The following MECOM variants were observed in gnomAD, a reference collection of about 807,000 sequenced individuals.
MECOM encodes MDS1 and EVI1 complex locus.
Under a neutral mutation model 116.3 loss-of-function variants are expected in MECOM, and 13 were observed. The ratio of observed to expected loss-of-function variants is 0.11; its 90% confidence interval spans 0.07 to 0.18. MECOM has a LOEUF of 0.18. Among genes scored for constraint, MECOM ranks in the 10% least tolerant of loss-of-function variants. The probability of loss-of-function intolerance (pLI) is 1.00; values close to 1 mark genes in which losing one functional copy is unlikely to be tolerated. For missense variants in MECOM, 1,299 were observed against 1,509.0 expected, an observed-to-expected ratio of 0.86 and a Z score of 2.31; for synonymous variants, 528 against 535.2, an observed-to-expected ratio of 0.99 and a Z score of 0.19.
intron 4 of MECOM, among the ~76,000 whole-genome samples, chr3:169,130,121 A>T (rs964819264): frequency 2.6e-5 from 4 of 152,216 alleles, no homozygotes; most frequent in Non-Finnish European, 5.9e-5. Flanking sequence ...AGAGTGTTGT[A>T]AAGGAAAGTA....
chr3:169,122,588 A>G lies in MECOM; in HGVS notation c.970T>C (p.Cys324Arg), dbSNP rs1361329010. The G allele has an allele frequency of 6.2e-7, 1 of 1,613,916 alleles. No homozygotes were observed. The highest frequency in any genetic ancestry group is 8.5e-7 in the Non-Finnish European group (1 of 1,179,914). ...CTACAAATTCACTGTACCTTGGCAC[A>G]GTTTTCACATTCATAGTGCTTTCCA... ...DSGKHYECEN[C>R]AKVFTDPSNL... The change falls in exon 6 of 17, where the codon TGT becomes CGT. Residue 324 changes from cysteine to arginine, a missense_variant. Around this residue, in one of 6 missense-constraint regions of MECOM, gnomAD observed 374 missense variants for 433.4 expected, o/e 0.86. Coordinates refer to ENST00000651503, the MANE Select transcript of MECOM (RefSeq NM_004991.4).
At chr3:169,461,200 G>A (rs910417596) in intron 1 of MECOM, among the ~76,000 whole-genome samples, 2 of 151,918 alleles carry the variant, frequency 1.3e-5, no homozygotes, top group Non-Finnish European at 2.9e-5. Context: ...TCTTATTTTC[G>A]TACTTCATCT....
At chr3:169,558,806 T>C (rs1762317528) in intron 1 of MECOM, among the ~76,000 whole-genome samples, 1 of 152,134 alleles carries the variant, frequency 6.6e-6, no homozygotes, top group South Asian at 2.1e-4. Flanking sequence ...TCCTTAAGAT[T>C]CCAGGAATCA....
At chr3:169,535,768 C>T (rs970667709) in intron 1 of MECOM, among the ~76,000 whole-genome samples, 2 of 152,170 alleles carry the variant, frequency 1.3e-5, no homozygotes, top group South Asian at 2.1e-4. Flanking sequence ...CCTGATATGT[C>T]GTAGGCACTC....
At chr3:169,594,170 A>AAAAACC (rs1560472549) in intron 1 of MECOM, among the ~76,000 whole-genome samples, 1 of 119,352 alleles carries the variant, frequency 8.4e-6, no homozygotes, top group South Asian at 2.3e-4. Flanking sequence ...AAAAAAAAAA[A>AAAAACC]AAAAAACACC....
In MECOM at chr3:169,181,675, G is replaced by T. The variant is rs115247527; in HGVS notation, c.376-37843C>A. On this transcript the variant is annotated intron_variant, in intron 2 of 16. Transcript: ENST00000651503. The stretch of plus-strand genomic sequence containing the variant: ...CCAAAAGTACCAGAGATGTGTCATA[G>T]AAATAGGGTTAGTGACAGTGTGACC... 2.0e-5 allele frequency among the ~76,000 whole-genome samples: 3 copies of T among 152,188 alleles called. No homozygotes were observed. The East Asian group carries it at 5.8e-4, about 29-fold the overall frequency.
At chr3:169,453,920 TAA>T (rs146943907) in intron 1 of MECOM, among the ~76,000 whole-genome samples, 3 of 148,432 alleles carry the variant, frequency 2.0e-5, no homozygotes, top group Non-Finnish European at 3.0e-5. Context: ...CAATGGATAA[TAA>T]AAAAAAAACT....
At chr3:169,094,187 TA>T (rs1184907487) in intron 13 of MECOM, among the ~76,000 whole-genome samples, 1 of 152,196 alleles carries the variant, frequency 6.6e-6, no homozygotes, top group African/African-American at 2.4e-5. Context: ...TGTGCCTTTA[TA>T]GGGGAAGAAA....
In MECOM at chr3:169,089,135, T is replaced by C. The variant is rs1718824799; in HGVS notation, c.3450A>G (p.Ile1150Met). The C allele has an allele frequency of 6.3e-7, 1 of 1,598,934 alleles. No individual in the cohort carries two copies. Reference protein sequence around the residue: ...YKSGLSALDHIRHFTDSLKMR... With the variant: ...YKSGLSALDHMRHFTDSLKMR... Reference sequence around the variant, plus strand: ...TTTTGAGGCTATCTGTGAAGTGCCTTATATGATCTAGAGCAGAAAGTCCAC... The same window carrying C: ...TTTTGAGGCTATCTGTGAAGTGCCTCATATGATCTAGAGCAGAAAGTCCAC... The change falls in exon 16 of 17, where the codon ATA becomes ATG. Residue 1150 changes from isoleucine to methionine, a missense_variant. Physicochemically the swap from Ile to Met is conservative, Grantham distance 10 (BLOSUM62 1). This residue lies in a region of MECOM where 273 missense variants were observed against 289.3 expected (regional missense o/e 0.94). Coordinates refer to ENST00000651503, the MANE Select transcript of MECOM (RefSeq NM_004991.4).
intron 1 of MECOM, among the ~76,000 whole-genome samples, chr3:169,654,980 A>G (rs932963556): frequency 2.0e-5 from 3 of 152,222 alleles, no homozygotes; most frequent in African/African-American, 7.2e-5. Flanking sequence ...CAAACCCTAC[A>G]AACTATATAT....
At chr3:169,178,331 A>G (rs937025740) in intron 2 of MECOM, among the ~76,000 whole-genome samples, 4 of 152,102 alleles carry the variant, frequency 2.6e-5, no homozygotes, top group Admixed American at 2.0e-4. Context: ...ACAGTGGGAA[A>G]CCCCTGGAGG....
intron 3 of MECOM, among the ~76,000 whole-genome samples, chr3:169,135,854 GTTCTT>G (rs913483154): frequency 6.6e-5 from 10 of 151,640 alleles, no homozygotes; most frequent in African/African-American, 2.4e-4. Context: ...ATTTCTTCAT[GTTCTT>G]TTATTTTTAA....
chr3:169,379,597 C>A (rs1182498215), intron 2 of MECOM, among the ~76,000 whole-genome samples: 1 of 152,044 alleles, frequency 6.6e-6, no homozygotes, highest in East Asian at 1.9e-4. Context: ...CAGGTTCATC[C>A]ACCAATCCAT....
chr3:169,149,036 GA>G (rs1437812770), intron 2 of MECOM, among the ~76,000 whole-genome samples: 10 of 148,374 alleles, frequency 6.7e-5, no homozygotes, highest in African/African-American at 2.5e-4. Context: ...CGTGGCCATT[GA>G]TTTCCTGCCC....
intron 15 of MECOM, among the ~76,000 whole-genome samples, chr3:169,089,585 T>C (rs1020156105): frequency 2.0e-5 from 3 of 152,136 alleles, no homozygotes; most frequent in Non-Finnish European, 2.9e-5. Flanking sequence ...TTTAAAAAGT[T>C]ATCATCTATA....
Position 169,632,513 on chromosome 3 carries a change from G to A in MECOM, c.37+30823C>T, listed in dbSNP as rs115144634. Among the ~76,000 whole-genome samples the A allele has an allele frequency of 6.0e-3, 906 of 152,144 alleles. 8 individuals carry two copies. Among genetic ancestry groups the A allele is most frequent in the African/African-American group, 0.021 (858 of 41,502 alleles). On this transcript the variant is annotated intron_variant, in intron 1 of 16. Transcript: ENST00000651503. ...AATTAAAAAATAATCTAAACTTACC[G>A]CTCTATTTTACACATGGGCTAACTC...
chr3:169,192,007 C>T (rs1382360685), intron 2 of MECOM, among the ~76,000 whole-genome samples: 1 of 151,812 alleles, frequency 6.6e-6, no homozygotes, highest in Non-Finnish European at 1.5e-5. Context: ...TGGCATTAGC[C>T]GGTTTGTGTC....
intron 1 of MECOM, among the ~76,000 whole-genome samples, chr3:169,465,351 T>C (rs1417238698): frequency 6.6e-6 from 1 of 152,204 alleles, no homozygotes; most frequent in Admixed American, 6.6e-5. Flanking sequence ...TATTTAATTG[T>C]TATTTCATAT....
At chr3:169,659,880 T>TA (rs1289488102) in intron 1 of MECOM, among the ~76,000 whole-genome samples, 4 of 152,106 alleles carry the variant, frequency 2.6e-5, no homozygotes, top group Non-Finnish European at 5.9e-5. Flanking sequence ...AGCCTTTTTT[T>TA]AAACAGAGAG....
Sources: allele counts gnomAD v4.1 joint callset (sites outside exome capture counted in the v4.1 genomes callset), GRCh38; gene constraint gnomAD v4.1.1; regional missense constraint gnomAD v4.1.1; transcripts MANE v1.5; gene names NCBI Gene and HGNC (gene_info 2026-07-23, HGNC 2026-07-21).